Variants in UBTD2 observed in about 807,000 individuals in gnomAD.
UBTD2 encodes ubiquitin domain containing 2.
UBTD2 carries 9 observed loss-of-function variants against 19.8 expected under a neutral mutation model. That is an observed-to-expected ratio of 0.46 (90% CI 0.27 to 0.79). The LOEUF is 0.79. Ranked by LOEUF, UBTD2 falls within the 30% of genes least tolerant of loss-of-function variation. The probability of loss-of-function intolerance (pLI) is 0.14; values close to 1 mark genes in which losing one functional copy is unlikely to be tolerated. For missense variants in UBTD2, 250 were observed against 300.4 expected (o/e 0.83, Z 1.24); for synonymous variants, 98 against 103.9 (o/e 0.94, Z 0.35).
At chr5:172,234,418 G>A (rs552141446) in intron 1 of UBTD2, 60 bp from the exon 2 acceptor site, 3 of 1,372,472 alleles carry the variant, frequency 2.2e-6, no homozygotes, top group South Asian at 1.2e-5. Context: ...TGTATCAAAA[G>A]TTATCTGGTC....
intron 1 of UBTD2, chr5:172,252,458 C>G (rs575742838): frequency 6.6e-6 from 1 of 152,332 alleles, no homozygotes; most frequent in East Asian, 1.9e-4. Context: ...TACATACCTG[C>G]TCCCTGCAAA....
Position 172,274,935 on chromosome 5 carries a change from A to C in UBTD2, c.70+8661T>G, listed in dbSNP as rs555280999. Among the ~76,000 whole-genome samples, 12 of 152,246 alleles carry C rather than the reference A, an allele frequency of 7.9e-5. No homozygotes were observed. The East Asian group carries it at 1.5e-3, about 20-fold the overall frequency. ...CCTGTAGTCCCAGCTACTTGGGAGG[A>C]TGAGGCAGGAGAATGGCATGAACCC... On this transcript the variant is annotated intron_variant, in intron 1 of 2. Coordinates refer to ENST00000393792, the MANE Select transcript of UBTD2 (RefSeq NM_152277.3).
intron 1 of UBTD2, among the ~76,000 whole-genome samples, chr5:172,256,947 T>C (rs1371831531): frequency 1.3e-5 from 2 of 152,172 alleles, no homozygotes; most frequent in Admixed American, 6.5e-5. Flanking sequence ...GTTCTAAAAA[T>C]GATTATAACT....
intron 1 of UBTD2, among the ~76,000 whole-genome samples, chr5:172,269,077 A>G (rs1238829990): frequency 6.6e-6 from 1 of 152,242 alleles, no homozygotes; most frequent in Non-Finnish European, 1.5e-5. Context: ...ACAAAGGAAT[A>G]TATATCAAAA....
intron 1 of UBTD2, among the ~76,000 whole-genome samples, chr5:172,250,209 G>A (rs1235865688): frequency 6.6e-6 from 1 of 151,958 alleles, no homozygotes; most frequent in East Asian, 1.9e-4. Flanking sequence ...CCCAGCCTGG[G>A]TAATAAGAGC....
chr5:172,269,875 AGACCGG>A (rs1254936581), intron 1 of UBTD2, among the ~76,000 whole-genome samples: 1 of 151,652 alleles, frequency 6.6e-6, no homozygotes, highest in Admixed American at 6.6e-5. Flanking sequence ...CAGGAGTTCG[AGACCGG>A]CCTGGCCAAC....
chr5:172,241,215 AC>A (rs1772120685), intron 1 of UBTD2, among the ~76,000 whole-genome samples: 1 of 152,064 alleles, frequency 6.6e-6, no homozygotes, highest in South Asian at 2.1e-4. Flanking sequence ...GGAGTTTGAG[AC>A]AAGCCTGGCC....
chr5:172,260,858 T>C (rs1259823839), intron 1 of UBTD2, among the ~76,000 whole-genome samples: 2 of 152,210 alleles, frequency 1.3e-5, no homozygotes, highest in Non-Finnish European at 2.9e-5. Flanking sequence ...GAATATGAAC[T>C]ACTCCGATTC....
intron 1 of UBTD2, among the ~76,000 whole-genome samples, chr5:172,268,098 G>A (rs2113114993): frequency 6.6e-6 from 1 of 152,254 alleles, no homozygotes; most frequent in Middle Eastern, 3.4e-3. Flanking sequence ...GAGAGAACCA[G>A]TCTCTGCCCC....
chr5:172,212,692 T>C (rs919614971), intron 2 of UBTD2, among the ~76,000 whole-genome samples: 14 of 152,174 alleles, frequency 9.2e-5, no homozygotes, highest in Non-Finnish European at 1.9e-4. Context: ...TGAGATGGAG[T>C]GTCGCTGTGT....
intron 1 of UBTD2, among the ~76,000 whole-genome samples, chr5:172,261,538 A>G (rs1164201436): frequency 6.6e-6 from 1 of 152,206 alleles, no homozygotes; most frequent in Non-Finnish European, 1.5e-5. Flanking sequence ...AAAGGGGCAC[A>G]AGGAAAGATG....
In UBTD2 at chr5:172,250,139, C is replaced by T. The variant is rs530703596; in HGVS notation, c.71-15781G>A. 4.6e-5 allele frequency among the ~76,000 whole-genome samples: 7 copies of T among 152,256 alleles called. No individual in the cohort carries two copies. In the East Asian group the frequency reaches 1.3e-3, roughly 29 times the overall value. On this transcript the variant is annotated intron_variant, in intron 1 of 2. Transcript: ENST00000393792. ...TTGGGAGGCTGAGGCAGGAGAGTCA[C>T]TTGAACCTGGTAGGCGGAGGTTGCA... is the stretch of plus-strand genomic sequence containing the variant.
intron 1 of UBTD2, among the ~76,000 whole-genome samples, chr5:172,282,820 G>A (rs977164544): frequency 1.3e-5 from 2 of 152,152 alleles, no homozygotes; most frequent in African/African-American, 4.8e-5. Context: ...GTGCGTTCCC[G>A]TGTTAGAAAA....
In UBTD2 at chr5:172,211,533, G is replaced by A; in HGVS notation, c.*297C>T. On this transcript the variant is annotated 3_prime_UTR_variant, in exon 3 of 3. Transcript: ENST00000393792. ...TGTTTCATTTACAGTCCAAGTCACT[G>A]AAATATAGCCATTACATAGTTGTTG... The A allele has an allele frequency of 3.9e-6, 1 of 257,908 alleles. No homozygotes were observed. Among genetic ancestry groups the A allele is most frequent in the Non-Finnish European group, 7.3e-6 (1 of 136,636 alleles). 16.0% of individuals were successfully genotyped at this position (257,908 alleles called of 1,614,324 possible).
chr5:172,263,687 C>T (rs573604943), intron 1 of UBTD2, among the ~76,000 whole-genome samples: 11 of 151,928 alleles, frequency 7.2e-5, no homozygotes, highest in East Asian at 1.9e-4. Context: ...CCAGCTACTC[C>T]GGAGGCTGAG....
At chr5:172,264,549 A>T (rs1755333887) in intron 1 of UBTD2, among the ~76,000 whole-genome samples, 1 of 104,810 alleles carries the variant, frequency 9.5e-6, no homozygotes, top group Non-Finnish European at 1.9e-5. Flanking sequence ...TCAAAAAAAA[A>T]AATTAAAAAA....
intron 2 of UBTD2, among the ~76,000 whole-genome samples, chr5:172,221,440 T>C (rs1340843794): frequency 1.3e-5 from 2 of 152,126 alleles, no homozygotes; most frequent in Admixed American, 6.5e-5. Context: ...AGTTTGAGGC[T>C]GCAGTGAGCT....
At chr5:172,279,791 T>C (rs1348281111) in intron 1 of UBTD2, among the ~76,000 whole-genome samples, 1 of 152,220 alleles carries the variant, frequency 6.6e-6, no homozygotes, top group Non-Finnish European at 1.5e-5. Context: ...AGGTCCTAAA[T>C]GCCAACTCCA....
chr5:172,249,392 C>A (rs1402385437), intron 1 of UBTD2, among the ~76,000 whole-genome samples: 3 of 112,594 alleles, frequency 2.7e-5, no homozygotes, highest in African/African-American at 6.6e-5. Flanking sequence ...GAGCAAGACT[C>A]CGTCTCATGA....
Sources: allele counts gnomAD v4.1 joint callset (sites outside exome capture counted in the v4.1 genomes callset), GRCh38; gene constraint gnomAD v4.1.1; transcripts MANE v1.5; gene names NCBI Gene and HGNC (gene_info 2026-07-23, HGNC 2026-07-21).